MATCAP2: variants seen among roughly 807,000 people sequenced by gnomAD.
MATCAP2 encodes the protein putative tyrosine carboxypeptidase MATCAP2.
the MATCAP2 span, among the ~76,000 whole-genome samples, chr7:36,358,658 T>C: frequency 1.3e-5 from 2 of 152,240 alleles, no homozygotes; most frequent in Admixed American, 1.3e-4. Flanking sequence ...TTTAAAACTG[T>C]GTTGATCTGC....
At chr7:36,337,281 A>G in the MATCAP2 span, among the ~76,000 whole-genome samples, 4 of 152,034 alleles carry the variant, frequency 2.6e-5, no homozygotes, top group Non-Finnish European at 5.9e-5. Context: ...AAGGAATAAG[A>G]AAGTTGAGAT....
chr7:36,334,227 G>A, the MATCAP2 span: 5 of 1,381,218 alleles, frequency 3.6e-6, no homozygotes, highest in Non-Finnish European at 5.0e-6. Flanking sequence ...TTCCCCCAAA[G>A]TTAGATTCCA....
At chr7:36,344,271 A>C in the MATCAP2 span, among the ~76,000 whole-genome samples, 1 of 152,224 alleles carries the variant, frequency 6.6e-6, no homozygotes, top group African/African-American at 2.4e-5. Context: ...AACAATCTAA[A>C]TATTCAAGTT....
chr7:36,357,400 T>G, the MATCAP2 span: 1 of 1,614,070 alleles, frequency 6.2e-7, no homozygotes, highest in Admixed American at 1.7e-5. Flanking sequence ...AAGACTGTTT[T>G]TGTGAATGAT....
At chr7:36,347,119 T>A in the MATCAP2 span, among the ~76,000 whole-genome samples, 2 of 152,224 alleles carry the variant, frequency 1.3e-5, no homozygotes, top group African/African-American at 4.8e-5. Context: ...CTGCATACTT[T>A]AGTATGACAT....
At chr7:36,325,429 C>T in the MATCAP2 span, 1 of 152,168 alleles carries the variant, frequency 6.6e-6, no homozygotes, top group Non-Finnish European at 1.5e-5. Flanking sequence ...ATCATGTAAC[C>T]TCTCCTATAA....
At chr7:36,363,176 T>C in the MATCAP2 span, among the ~76,000 whole-genome samples, 2 of 152,242 alleles carry the variant, frequency 1.3e-5, no homozygotes, top group Non-Finnish European at 2.9e-5. Context: ...AGGTACCTGC[T>C]GCTGTAGGAC....
the MATCAP2 span, among the ~76,000 whole-genome samples, chr7:36,337,059 T>C: frequency 5.2e-4 from 60 of 116,078 alleles, no homozygotes; most frequent in Middle Eastern, 7.1e-3. Flanking sequence ...GATCGCGCCA[T>C]TGCACTCCAG....
chr7:36,369,389 G>A, the MATCAP2 span, among the ~76,000 whole-genome samples: 1 of 152,182 alleles, frequency 6.6e-6, no homozygotes, highest in Admixed American at 6.5e-5. Flanking sequence ...AATTAACCAT[G>A]CTGTTGGCTT....
the MATCAP2 span, among the ~76,000 whole-genome samples, chr7:36,350,074 G>A: frequency 6.6e-6 from 1 of 152,144 alleles, no homozygotes; most frequent in Non-Finnish European, 1.5e-5. Flanking sequence ...TTTAAAGAAG[G>A]CTTACTTTTT....
chr7:36,376,690 G>T, the MATCAP2 span, among the ~76,000 whole-genome samples: 1 of 152,152 alleles, frequency 6.6e-6, no homozygotes, highest in African/African-American at 2.4e-5. Flanking sequence ...TGACAGTGGG[G>T]TGTTAAAGTC....
chr7:36,370,387 G>A, the MATCAP2 span, among the ~76,000 whole-genome samples: 2 of 152,182 alleles, frequency 1.3e-5, no homozygotes, highest in Non-Finnish European at 2.9e-5. Flanking sequence ...CAAGATGATC[G>A]ACTTAATTAT....
At chr7:36,380,137 G>T in the MATCAP2 span, among the ~76,000 whole-genome samples, 1 of 152,174 alleles carries the variant, frequency 6.6e-6, no homozygotes, top group Non-Finnish European at 1.5e-5. Context: ...AAATTCAAAG[G>T]TGATGAGCAG....
chr7:36,362,401 T>C, the MATCAP2 span, among the ~76,000 whole-genome samples: 1 of 152,218 alleles, frequency 6.6e-6, no homozygotes, highest in African/African-American at 2.4e-5. Context: ...TAGTAACTTA[T>C]AATGGGACAC....
chr7:36,353,011 A>C, the MATCAP2 span, among the ~76,000 whole-genome samples: 1 of 151,968 alleles, frequency 6.6e-6, no homozygotes, highest in African/African-American at 2.4e-5. Flanking sequence ...GCAGTGGCCC[A>C]TACCTGTAAT....
chr7:36,389,772 G>A, the MATCAP2 span: 1 of 521,016 alleles, frequency 1.9e-6, no homozygotes, highest in Non-Finnish European at 3.1e-6. Flanking sequence ...GTGACCGAGC[G>A]CAGGGGCGGG....
the MATCAP2 span, among the ~76,000 whole-genome samples, chr7:36,343,346 G>A: frequency 9.3e-6 from 1 of 107,994 alleles, no homozygotes; most frequent in Non-Finnish European, 1.9e-5. Context: ...AGAGGAGAGG[G>A]GAGCAGAGGG....
chr7:36,346,066 C>G, the MATCAP2 span, among the ~76,000 whole-genome samples: 11 of 152,100 alleles, frequency 7.2e-5, no homozygotes, highest in African/African-American at 2.7e-4. Flanking sequence ...TATTAACCAT[C>G]AGGGAATTGC....
At chr7:36,365,482 C>T in the MATCAP2 span, among the ~76,000 whole-genome samples, 1 of 152,184 alleles carries the variant, frequency 6.6e-6, no homozygotes, top group Admixed American at 6.5e-5. Flanking sequence ...TGAGGATCAC[C>T]TGAGGTCAGG....
Sources: allele counts gnomAD v4.1 joint callset (sites outside exome capture counted in the v4.1 genomes callset), GRCh38; gene constraint gnomAD v4.1.1; transcripts MANE v1.5; gene names NCBI Gene and HGNC (gene_info 2026-07-23, HGNC 2026-07-21).